The following UNC5C variants were observed in gnomAD, a reference collection of about 807,000 sequenced individuals.
The protein encoded by UNC5C is netrin receptor UNC5C.
Under a neutral mutation model 99.8 loss-of-function variants are expected in UNC5C, and 47 were observed. The ratio of observed to expected loss-of-function variants is 0.47; its 90% CI spans 0.37 to 0.60. The LOEUF (loss-of-function observed/expected upper bound fraction) is 0.60. Ranked by LOEUF, UNC5C falls within the 20% of genes least tolerant of loss-of-function variation. The pLI, the probability that UNC5C is intolerant of heterozygous loss-of-function variation, is 0.00. For missense variants in UNC5C, 1,062 were observed against 1,165.9 expected (o/e 0.91, Z 1.30); for synonymous variants, 487 against 452.2 (o/e 1.08, Z -0.98).
intron 12 of UNC5C, among the ~76,000 whole-genome samples, chr4:95,191,117 G>A (rs527995304): frequency 2.0e-4 from 31 of 152,244 alleles, no homozygotes; most frequent in Admixed American, 1.6e-3. Flanking sequence ...GTTAAGGCTT[G>A]ACAGAGAGGC....
intron 1 of UNC5C, among the ~76,000 whole-genome samples, chr4:95,427,573 A>T (rs1303048384): frequency 2.0e-5 from 3 of 152,178 alleles, no homozygotes; most frequent in African/African-American, 4.8e-5. Context: ...AACAAGCAAA[A>T]ATATGATAAC....
intron 3 of UNC5C, among the ~76,000 whole-genome samples, chr4:95,283,908 C>G (rs1387379006): frequency 6.6e-6 from 1 of 152,190 alleles, no homozygotes; most frequent in African/African-American, 2.4e-5. Flanking sequence ...AAGCTATCGT[C>G]ATATGTATGC....
At chr4:95,475,868 T>A (rs1247086905) in intron 1 of UNC5C, among the ~76,000 whole-genome samples, 1 of 152,038 alleles carries the variant, frequency 6.6e-6, no homozygotes, top group East Asian at 1.9e-4. Flanking sequence ...TGTCTAATGA[T>A]AATCAGCAGG....
rs542935569 is a variant in UNC5C at position 95,219,210 on chromosome 4, A to G, written c.1404T>C (p.Ser468=). The G allele has an allele frequency of 6.2e-6, 10 of 1,614,032 alleles. No individual in the cohort carries two copies. The highest frequency in any genetic ancestry group is 8.5e-6 in the Non-Finnish European group (10 of 1,180,024). Residue 468 remains serine (S), a synonymous_variant, in exon 9 of 16, where the codon TCT becomes TCC. Transcript: ENST00000453304. ...GGTTGGGCAGTGGATCCAGAATTGG[A>G]GAGTTGGTCATTGGGATTTTGTCTG... ...DVSDKIPMTN[S]PILDPLPNLK... is the part of the protein sequence containing the mutation.
chr4:95,326,266 A>G (rs1742880001), intron 2 of UNC5C, among the ~76,000 whole-genome samples: 1 of 152,134 alleles, frequency 6.6e-6, no homozygotes, highest in Non-Finnish European at 1.5e-5. Context: ...CTTGAGAATA[A>G]TTAAAGATGA....
chr4:95,541,424 G>A (rs1722917240), intron 1 of UNC5C, among the ~76,000 whole-genome samples: 1 of 152,000 alleles, frequency 6.6e-6, no homozygotes, highest in African/African-American at 2.4e-5. Context: ...GCATCCATTG[G>A]GGGTCTTGGA....
chr4:95,485,647 C>A (rs56015444), intron 1 of UNC5C, among the ~76,000 whole-genome samples: 81,767 of 151,450 alleles, frequency 0.54, 22,904 homozygotes, highest in African/African-American at 0.69. Context: ...CCCTGAATTA[C>A]TACAGTCAGA....
intron 1 of UNC5C, among the ~76,000 whole-genome samples, chr4:95,403,204 AG>A (rs1745746602): frequency 6.6e-6 from 1 of 152,200 alleles, no homozygotes; most frequent in South Asian, 2.1e-4. Context: ...TTTCAGAGTA[AG>A]GCCATGAAAT....
chr4:95,501,455 A>AT (rs970665480), intron 1 of UNC5C, among the ~76,000 whole-genome samples: 2 of 152,114 alleles, frequency 1.3e-5, no homozygotes, highest in African/African-American at 4.8e-5. Context: ...TTTGCAACAT[A>AT]TTTTTTGTTA....
At chr4:95,396,973 C>T (rs1384684630) in intron 1 of UNC5C, among the ~76,000 whole-genome samples, 1 of 152,136 alleles carries the variant, frequency 6.6e-6, no homozygotes, top group Non-Finnish European at 1.5e-5. Context: ...AAGCCCCTCT[C>T]ATGTGCTAGG....
intron 1 of UNC5C, among the ~76,000 whole-genome samples, chr4:95,354,479 A>ATATATATATATATAT: frequency 9.1e-6 from 1 of 110,352 alleles, no homozygotes; most frequent in Non-Finnish European, 1.8e-5. Flanking sequence ...ATATATATAT[A>ATATATATATATATAT]TTTTTTTTTT....
At chr4:95,212,587 C>A (rs1455047215) in intron 10 of UNC5C, among the ~76,000 whole-genome samples, 3 of 152,142 alleles carry the variant, frequency 2.0e-5, no homozygotes, top group Non-Finnish European at 2.9e-5. Flanking sequence ...TCTTAAAGTT[C>A]TTTCCCCAGT....
chr4:95,334,226 C>T lies in UNC5C; in HGVS notation c.346+1184G>A, dbSNP rs895024020. 5.3e-5 allele frequency among the ~76,000 whole-genome samples: 8 copies of T among 152,032 alleles called. No individual in the cohort carries two copies. The South Asian group carries it at 8.3e-4, about 16-fold the overall frequency. On this transcript the variant is annotated intron_variant, in intron 2 of 15. Transcript: ENST00000453304. ...CACATCAATATGCTATTTATCTTGT[C>T]GGAGATCTTGAAAGTAGAAAGTAGA... is the stretch of plus-strand genomic sequence containing the variant.
chr4:95,278,447 G>A, intron 3 of UNC5C, 85 bp from the exon 4 acceptor site: 2 of 1,004,968 alleles, frequency 2.0e-6, no homozygotes, highest in Non-Finnish European at 3.0e-6. Flanking sequence ...TTCTGGCTTA[G>A]TATTTTATCT....
Position 95,438,343 on chromosome 4 carries a change from A to G in UNC5C, c.125-102712T>C, listed in dbSNP as rs146154284. On this transcript the variant is annotated intron_variant, in intron 1 of 15. Coordinates refer to ENST00000453304, the MANE Select transcript of UNC5C (RefSeq NM_003728.4). ...CACATATCAATATTTATCAGTGCAGATTAGAAGAATGAATTCTGGTGGCTC... is the reference window on the plus strand; with the variant it reads ...CACATATCAATATTTATCAGTGCAGGTTAGAAGAATGAATTCTGGTGGCTC... Among the ~76,000 whole-genome samples the G allele has an allele frequency of 2.8e-3, 419 of 152,216 alleles. 4 individuals carry two copies. The highest frequency in any genetic ancestry group is 9.5e-3 in the African/African-American group (395 of 41,558).
At chr4:95,351,858 C>T (rs902471004) in intron 1 of UNC5C, among the ~76,000 whole-genome samples, 3 of 152,092 alleles carry the variant, frequency 2.0e-5, no homozygotes, top group Admixed American at 1.3e-4. Flanking sequence ...TACAGTGCCC[C>T]TTCAACCTCT....
At chr4:95,547,818 G>A (rs538349312) in intron 1 of UNC5C, among the ~76,000 whole-genome samples, 1 of 152,224 alleles carries the variant, frequency 6.6e-6, no homozygotes, top group African/African-American at 2.4e-5. Flanking sequence ...AGGCGGACAA[G>A]AAGGGAGCCG....
rs11426859 is a variant in UNC5C at position 95,261,708 on chromosome 4, C to CTTT, written c.595-11044_595-11042dup. 1.4e-3 allele frequency among the ~76,000 whole-genome samples: 198 copies of CTTT among 145,856 alleles called. 1 individual carries two copies. Among genetic ancestry groups the CTTT allele is most frequent in the Middle Eastern group, 3.5e-3 (1 of 282 alleles). On this transcript the variant is annotated intron_variant, in intron 4 of 15. Transcript: ENST00000453304. ...ATATCTTTAACTTCCATATGAATTC[C>CTTT]TTTTTTTTTTTTTGAAACGGTGTCT...
chr4:95,200,266 TCA>T (rs1737604657), intron 12 of UNC5C, among the ~76,000 whole-genome samples: 1 of 152,236 alleles, frequency 6.6e-6, no homozygotes, highest in Non-Finnish European at 1.5e-5. Context: ...CTTCCTTGAT[TCA>T]TTTTTCTTCC....
Sources: allele counts gnomAD v4.1 joint callset (sites outside exome capture counted in the v4.1 genomes callset), GRCh38; gene constraint gnomAD v4.1.1; transcripts MANE v1.5; gene names NCBI Gene and HGNC (gene_info 2026-07-23, HGNC 2026-07-21).